The following HSDL2 variants were observed in gnomAD, a reference collection of about 807,000 sequenced individuals.
HSDL2 encodes the protein hydroxysteroid dehydrogenase-like protein 2.
HSDL2 carries 27 observed loss-of-function variants against 46.3 expected under a neutral mutation model. That is an observed-to-expected ratio of 0.58 (90% CI 0.43 to 0.80). The LOEUF (loss-of-function observed/expected upper bound fraction) is 0.80. HSDL2 is among the 30% of genes least tolerant of loss of function. The probability of loss-of-function intolerance (pLI) is 0.00; values close to 1 mark genes in which losing one functional copy is unlikely to be tolerated. For missense variants in HSDL2, 451 were observed against 502.7 expected (o/e 0.90, Z 0.98); for synonymous variants, 153 against 163.6 (o/e 0.94, Z 0.50).
intron 1 of HSDL2, among the ~76,000 whole-genome samples, chr9:112,386,629 T>A (rs10817332): frequency 0.95 from 142,515 of 149,824 alleles, 67,842 homozygotes; most frequent in African/African-American, 0.99. Flanking sequence ...CAAAAAAAAA[T>A]AAAAATTAAC....
chr9:112,412,599 T>C (rs762200649), intron 4 of HSDL2, among the ~76,000 whole-genome samples: 2 of 152,246 alleles, frequency 1.3e-5, no homozygotes, highest in Non-Finnish European at 2.9e-5. Flanking sequence ...TTGTCAAAAT[T>C]AGTAATCATA....
At chr9:112,400,100 C>T (rs746391021) in intron 1 of HSDL2, among the ~76,000 whole-genome samples, 4 of 152,122 alleles carry the variant, frequency 2.6e-5, no homozygotes, top group Admixed American at 6.5e-5. Context: ...CCTGACTTCC[C>T]GCAACAAGAA....
Position 112,418,708 on chromosome 9 carries a change from C to A in HSDL2, c.500-152C>A, listed in dbSNP as rs1264889396. The A allele has an allele frequency of 1.1e-5, 4 of 376,346 alleles. No homozygotes were observed. In the East Asian group the frequency reaches 1.9e-4, roughly 18 times the overall value. 23.3% of individuals were successfully genotyped at this position (376,346 alleles called of 1,614,324 possible). The stretch of plus-strand genomic sequence containing the variant: ...ATATATACACATGTATATGTATATA[C>A]ACACAGATATATACACATACATATG... On this transcript the variant is annotated intron_variant, in intron 5 of 10. Transcript: ENST00000398805.
At chr9:112,426,593 A>T (rs192002477) in intron 6 of HSDL2, among the ~76,000 whole-genome samples, 4 of 152,166 alleles carry the variant, frequency 2.6e-5, no homozygotes, top group Non-Finnish European at 4.4e-5. Flanking sequence ...TTGGTTTAAA[A>T]TGTACTAGCC....
At position 112,446,290 on chromosome 9, in the gene HSDL2, C is replaced by T. The variant is rs552837598; in HGVS notation, c.865+4520C>T. ...TGGGCAAATAGCTCAGGCCAGTGTGCAAGGCTGACATGTGACCTTCCTTTA... is the reference window on the plus strand; with the variant it reads ...TGGGCAAATAGCTCAGGCCAGTGTGTAAGGCTGACATGTGACCTTCCTTTA... On this transcript the variant is annotated intron_variant, in intron 8 of 10. Coordinates refer to ENST00000398805, the MANE Select transcript of HSDL2 (RefSeq NM_032303.5). Among the ~76,000 whole-genome samples the T allele has an allele frequency of 9.9e-4, 151 of 152,156 alleles. 3 individuals are homozygous for T. The highest frequency in any genetic ancestry group is 3.5e-3 in the African/African-American group (145 of 41,502).
intron 6 of HSDL2, among the ~76,000 whole-genome samples, chr9:112,423,506 C>CT (rs754986331): frequency 6.6e-6 from 1 of 152,034 alleles, no homozygotes; most frequent in Non-Finnish European, 1.5e-5. Context: ...GAGGGGGTTT[C>CT]ACCATGTTGG....
At chr9:112,385,612 G>A (rs927135274) in intron 1 of HSDL2, among the ~76,000 whole-genome samples, 5 of 150,770 alleles carry the variant, frequency 3.3e-5, no homozygotes, top group Non-Finnish European at 4.4e-5. Flanking sequence ...TCAGCCTCCC[G>A]AGTAGCTGAG....
At chr9:112,434,496 C>G (rs1832475330) in intron 6 of HSDL2, among the ~76,000 whole-genome samples, 1 of 152,236 alleles carries the variant, frequency 6.6e-6, no homozygotes, top group South Asian at 2.1e-4. Flanking sequence ...TTGATTCTGA[C>G]ATGCCCATGC....
chr9:112,382,475 T>C (rs1050097585), intron 1 of HSDL2, among the ~76,000 whole-genome samples: 1 of 152,240 alleles, frequency 6.6e-6, no homozygotes, highest in African/African-American at 2.4e-5. Context: ...AAGTGTGGAT[T>C]TGGATCTCTT....
At chr9:112,402,759 A>T (rs921535142) in intron 1 of HSDL2, among the ~76,000 whole-genome samples, 2 of 152,128 alleles carry the variant, frequency 1.3e-5, no homozygotes, top group East Asian at 3.9e-4. Flanking sequence ...CGTCTCTGCT[A>T]AAAATACAAA....
intron 6 of HSDL2, among the ~76,000 whole-genome samples, chr9:112,437,402 G>A (rs1004472739): frequency 6.6e-6 from 1 of 152,080 alleles, no homozygotes; most frequent in Non-Finnish European, 1.5e-5. Flanking sequence ...TTGATTCTGA[G>A]ATGCCCATGC....
In HSDL2 at chr9:112,405,697, G is replaced by A; in HGVS notation, c.255G>A (p.Val85=). 1.9e-6 allele frequency: 3 copies of A among 1,609,826 alleles called. No individual in the cohort carries two copies. In the South Asian group the frequency reaches 3.3e-5, roughly 18 times the overall value. Residue 85 remains valine (V), a synonymous_variant, in exon 3 of 11, where the codon GTG becomes GTA. Transcript: ENST00000398805. ...ATGAACAGCAGATCAGTGCTGCAGT[G>A]GAGAAAGCCATCAAGAAATTTGGAG... is the stretch of plus-strand genomic sequence containing the variant. ...VRDEQQISAA[V]EKAIKKFGGI...
At chr9:112,432,700 G>A (rs1459023320) in intron 6 of HSDL2, among the ~76,000 whole-genome samples, 1 of 152,166 alleles carries the variant, frequency 6.6e-6, no homozygotes, top group Non-Finnish European at 1.5e-5. Flanking sequence ...TAGACTTGAT[G>A]ACACACTAAA....
chr9:112,394,802 A>C (rs1831422334), intron 1 of HSDL2, among the ~76,000 whole-genome samples: 1 of 152,200 alleles, frequency 6.6e-6, no homozygotes, highest in African/African-American at 2.4e-5. Flanking sequence ...AACCCATAGT[A>C]ACATTAAATG....
At chr9:112,412,245 A>G (rs1031378286) in intron 4 of HSDL2, among the ~76,000 whole-genome samples, 1 of 152,132 alleles carries the variant, frequency 6.6e-6, no homozygotes, top group African/African-American at 2.4e-5. Flanking sequence ...CCACACACCT[A>G]GGTATATGGC....
At chr9:112,405,896 C>T (rs568132995) in intron 3 of HSDL2, among the ~76,000 whole-genome samples, 174 bp downstream of exon 3, 3 of 152,250 alleles carry the variant, frequency 2.0e-5, no homozygotes, top group African/African-American at 7.2e-5. Context: ...CGTGGTGGCT[C>T]ACACCTGTAA....
intron 1 of HSDL2, among the ~76,000 whole-genome samples, chr9:112,388,828 A>G (rs919043901): frequency 1.4e-5 from 2 of 145,156 alleles, no homozygotes; most frequent in African/African-American, 5.4e-5. Flanking sequence ...GGTCAATATC[A>G]TAAAAGACAG....
chr9:112,435,909 T>A (rs1392164155), intron 6 of HSDL2, among the ~76,000 whole-genome samples: 3 of 151,968 alleles, frequency 2.0e-5, no homozygotes, highest in Non-Finnish European at 2.9e-5. Flanking sequence ...CTATTTTTTT[T>A]TTATTATTAA....
intron 1 of HSDL2, among the ~76,000 whole-genome samples, chr9:112,401,895 A>G (rs895196205): frequency 3.3e-5 from 5 of 152,072 alleles, no homozygotes; most frequent in Admixed American, 3.3e-4. Context: ...AATAATTTCA[A>G]CCTCTCTGAC....
Sources: allele counts gnomAD v4.1 joint callset (sites outside exome capture counted in the v4.1 genomes callset), GRCh38; gene constraint gnomAD v4.1.1; transcripts MANE v1.5; gene names NCBI Gene and HGNC (gene_info 2026-07-23, HGNC 2026-07-21).